PRKN: variants seen among roughly 807,000 people sequenced by gnomAD.
PRKN encodes the protein parkin RBR E3 ubiquitin protein ligase.
PRKN carries 56 observed loss-of-function variants against 59.5 expected under a neutral mutation model. The ratio of observed to expected loss-of-function variants is 0.94; its 90% CI spans 0.76 to 1.18. The LOEUF (loss-of-function observed/expected upper bound fraction) is 1.18. Ranked by LOEUF, PRKN falls within the 50% of genes most tolerant of loss-of-function variation. The probability of loss-of-function intolerance (pLI) is 0.00; values close to 1 mark genes in which losing one functional copy is unlikely to be tolerated. For missense variants in PRKN, 657 were observed against 596.4 expected (o/e 1.10, Z -1.06); for synonymous variants, 250 against 222.1 (o/e 1.13, Z -1.12).
intron 2 of PRKN, among the ~76,000 whole-genome samples, chr6:162,278,509 G>T (rs1171002793): frequency 6.6e-6 from 1 of 152,222 alleles, no homozygotes; most frequent in East Asian, 1.9e-4. Flanking sequence ...GGGGGATGTT[G>T]ATAATGGAGA....
At chr6:161,920,927 T>C (rs1189423163) in intron 6 of PRKN, among the ~76,000 whole-genome samples, 1 of 152,172 alleles carries the variant, frequency 6.6e-6, no homozygotes, top group African/African-American at 2.4e-5. Flanking sequence ...GTAGACGTTA[T>C]GAACACTGTA....
chr6:162,213,804 TAC>T (rs58192789), intron 3 of PRKN, among the ~76,000 whole-genome samples: 8,086 of 126,090 alleles, frequency 0.064, 319 homozygotes, highest in Middle Eastern at 0.083. Flanking sequence ...AAAAAAACCA[TAC>T]ACACACACAC....
At chr6:162,179,965 T>TGTGTGTGTGTG in intron 4 of PRKN, among the ~76,000 whole-genome samples, 1 of 128,524 alleles carries the variant, frequency 7.8e-6, no homozygotes, top group Non-Finnish European at 1.6e-5. Flanking sequence ...TGTTATCTTA[T>TGTGTGTGTGTG]TACTGTGTGT....
chr6:162,616,527 A>G (rs1782426627), intron 1 of PRKN, among the ~76,000 whole-genome samples: 1 of 152,142 alleles, frequency 6.6e-6, no homozygotes, highest in African/African-American at 2.4e-5. Flanking sequence ...ACTCTATACA[A>G]TGATACCCCC....
At chr6:161,787,041 T>C (rs554264987) in intron 6 of PRKN, among the ~76,000 whole-genome samples, 79 of 152,274 alleles carry the variant, frequency 5.2e-4, no homozygotes, top group Admixed American at 4.4e-3. Context: ...AAGAAAGTTA[T>C]TGGAGTCTAT....
intron 1 of PRKN, among the ~76,000 whole-genome samples, chr6:162,674,542 G>C (rs1474315534): frequency 6.6e-6 from 1 of 152,212 alleles, no homozygotes; most frequent in Non-Finnish European, 1.5e-5. Flanking sequence ...ACGAGAAGCT[G>C]ATGGTGGTTG....
intron 4 of PRKN, among the ~76,000 whole-genome samples, chr6:162,093,661 A>G (rs1482089170): frequency 1.3e-5 from 2 of 152,144 alleles, no homozygotes; most frequent in African/African-American, 4.8e-5. Context: ...TGTACCCCCT[A>G]AACATTTATG....
chr6:162,107,126 T>C (rs986319180), intron 4 of PRKN, among the ~76,000 whole-genome samples: 19 of 152,120 alleles, frequency 1.2e-4, no homozygotes, highest in Non-Finnish European at 2.1e-4. Context: ...ACAACCCCCA[T>C]CAGGTACAAC....
chr6:161,906,659 C>CATACATATAT (rs1554246315), intron 6 of PRKN, among the ~76,000 whole-genome samples: 1 of 116,586 alleles, frequency 8.6e-6, no homozygotes, highest in African/African-American at 3.5e-5. Context: ...ATAGAACATA[C>CATACATATAT]ATATATATAT....
At chr6:162,657,650 T>C (rs1051449965) in intron 1 of PRKN, among the ~76,000 whole-genome samples, 1 of 152,202 alleles carries the variant, frequency 6.6e-6, no homozygotes, top group African/African-American at 2.4e-5. Context: ...CTTGGTAAAT[T>C]CAAATGGCTG....
intron 5 of PRKN, among the ~76,000 whole-genome samples, chr6:162,021,841 C>G (rs2128276115): frequency 6.6e-6 from 1 of 152,100 alleles, no homozygotes; most frequent in East Asian, 1.9e-4. Flanking sequence ...CCCTTGCCCC[C>G]TTCTTTCCCT....
intron 5 of PRKN, among the ~76,000 whole-genome samples, chr6:161,974,683 A>T (rs1036456744): frequency 1.3e-5 from 2 of 152,172 alleles, no homozygotes; most frequent in Admixed American, 1.3e-4. Context: ...AAAAAAAAAT[A>T]CATATATTTT....
chr6:161,951,694 T>A (rs1368976954), intron 6 of PRKN, among the ~76,000 whole-genome samples: 1 of 152,118 alleles, frequency 6.6e-6, no homozygotes, highest in Middle Eastern at 3.2e-3. Context: ...GGCGGGCAGA[T>A]CATTTGAGGT....
chr6:161,877,653 A>G (rs1204011599), intron 6 of PRKN, among the ~76,000 whole-genome samples: 1 of 151,702 alleles, frequency 6.6e-6, no homozygotes, highest in Non-Finnish European at 1.5e-5. Context: ...TATTTTTAGT[A>G]GAGACAGGGT....
chr6:162,522,027 C>T (rs960783353), intron 1 of PRKN, among the ~76,000 whole-genome samples: 3 of 152,076 alleles, frequency 2.0e-5, no homozygotes, highest in African/African-American at 7.2e-5. Flanking sequence ...ATTCGATGTC[C>T]CCAGTTAATG....
At position 161,880,041 on chromosome 6, in the gene PRKN, T is replaced by C. The variant is rs569052740; in HGVS notation, c.734+93261A>G. Among the ~76,000 whole-genome samples the C allele has an allele frequency of 3.3e-5, 5 of 152,318 alleles. No individual in the cohort carries two copies. In the South Asian group the frequency reaches 1.0e-3, roughly 32 times the overall value. Reference sequence around the variant, plus strand: ...TTGGAGTCTGATACTATGTGAAATATAAACAGTAACTTGGGGATTCAGATG... The same window carrying C: ...TTGGAGTCTGATACTATGTGAAATACAAACAGTAACTTGGGGATTCAGATG... On this transcript the variant is annotated intron_variant, in intron 6 of 11. Coordinates refer to ENST00000366898, the MANE Select transcript of PRKN (RefSeq NM_004562.3).
intron 5 of PRKN, among the ~76,000 whole-genome samples, chr6:162,044,227 C>T (rs1225546788): frequency 1.3e-5 from 2 of 152,202 alleles, no homozygotes; most frequent in Non-Finnish European, 1.5e-5. Flanking sequence ...CTGTCTCAGC[C>T]TTTGAAACAC....
chr6:161,366,242 C>G (rs934565232), intron 10 of PRKN, among the ~76,000 whole-genome samples: 1 of 152,136 alleles, frequency 6.6e-6, no homozygotes, highest in Admixed American at 6.5e-5. Context: ...AGATCTAGAG[C>G]CTGAGGTTGA....
intron 1 of PRKN, among the ~76,000 whole-genome samples, chr6:162,708,593 C>A (rs539522200): frequency 2.0e-5 from 3 of 152,318 alleles, no homozygotes; most frequent in Non-Finnish European, 4.4e-5. Context: ...TCTTTCTCTT[C>A]TATACTCCAA....
Sources: gnomAD v4.1 joint callset for allele counts (sites outside exome capture counted in the v4.1 genomes callset) on GRCh38, gnomAD v4.1.1 for gene constraint, MANE v1.5 for transcripts, NCBI Gene and HGNC (gene_info 2026-07-23, HGNC 2026-07-21) for gene names.